The following PTPRO variants were observed in gnomAD, a reference collection of about 807,000 sequenced individuals.
The protein encoded by PTPRO is protein tyrosine phosphatase receptor type O, also known as receptor-type tyrosine-protein phosphatase O.
PTPRO carries 62 observed loss-of-function variants against 145.2 expected under a neutral mutation model. The observed-to-expected ratio is 0.43, with a 90% CI of 0.35 to 0.53. The LOEUF (loss-of-function observed/expected upper bound fraction) is 0.53, where lower values mean the gene tolerates loss of function less well. PTPRO is among the 20% of genes least tolerant of loss of function. The pLI is 0.01. For missense variants in PTPRO, 1,345 were observed against 1,482.7 expected (o/e 0.91, Z 1.53); for synonymous variants, 565 against 514.7 (o/e 1.10, Z -1.32).
chr12:15,511,461 AT>A (rs921834787), intron 7 of PTPRO, among the ~76,000 whole-genome samples: 23 of 152,322 alleles, frequency 1.5e-4, no homozygotes, highest in South Asian at 4.1e-4. Context: ...CCCCTTTGTC[AT>A]TTTTTAAGTA....
chr12:15,533,664 G>T (rs912654837), intron 12 of PTPRO, among the ~76,000 whole-genome samples: 4 of 152,064 alleles, frequency 2.6e-5, no homozygotes, highest in Admixed American at 6.6e-5. Context: ...GTTTGTGTGT[G>T]TTTTTTACAG....
chr12:15,555,162 T>TG lies in PTPRO; in HGVS notation c.2559-2287dup, dbSNP rs556644036. On this transcript the variant is annotated intron_variant, in intron 15 of 26. Transcript: ENST00000281171. ...CTGAGGCAGAAGAATCGCTTGGACT[T>TG]GGGGGGCGGAGGTTGCAGTGAGCTG... Among the ~76,000 whole-genome samples, 19 of 151,998 alleles carry TG rather than the reference T, an allele frequency of 1.3e-4. 2 individuals are homozygous for TG. In the South Asian group the frequency reaches 3.5e-3, roughly 28 times the overall value.
chr12:15,530,634 C>T (rs939706385), intron 12 of PTPRO, among the ~76,000 whole-genome samples: 1 of 151,806 alleles, frequency 6.6e-6, no homozygotes, highest in African/African-American at 2.4e-5. Context: ...ACCAATGAGT[C>T]AATGAAGAAA....
intron 1 of PTPRO, among the ~76,000 whole-genome samples, chr12:15,361,263 C>T (rs544070273): frequency 6.6e-6 from 1 of 151,118 alleles, no homozygotes; most frequent in Non-Finnish European, 1.5e-5. Flanking sequence ...TGGTGAAAAC[C>T]CATCTTTACT....
At chr12:15,574,517 A>C (rs1379480912) in intron 19 of PTPRO, among the ~76,000 whole-genome samples, 1 of 152,212 alleles carries the variant, frequency 6.6e-6, no homozygotes, top group Admixed American at 6.5e-5. Context: ...AAACTACAGA[A>C]CTGGCCATGC....
intron 6 of PTPRO, among the ~76,000 whole-genome samples, chr12:15,505,782 C>A (rs1163371127): frequency 2.0e-5 from 3 of 152,162 alleles, no homozygotes; most frequent in African/African-American, 7.2e-5. Context: ...CCTGTTTTTC[C>A]TGACCAAACT....
intron 1 of PTPRO, among the ~76,000 whole-genome samples, chr12:15,470,548 T>TCAAGTG (rs1472399041): frequency 6.6e-6 from 1 of 152,214 alleles, no homozygotes; most frequent in African/African-American, 2.4e-5. Flanking sequence ...AATTCTTTCC[T>TCAAGTG]CAAGTGTGTT....
chr12:15,425,370 C>G (rs879747571), intron 1 of PTPRO, among the ~76,000 whole-genome samples: 3 of 152,108 alleles, frequency 2.0e-5, no homozygotes, highest in African/African-American at 4.8e-5. Context: ...TGAGCTACAT[C>G]TTGAAGGTCA....
intron 1 of PTPRO, among the ~76,000 whole-genome samples, chr12:15,426,410 C>T (rs1329998225): frequency 6.6e-6 from 1 of 151,942 alleles, no homozygotes; most frequent in African/African-American, 2.4e-5. Context: ...TATATTGTCT[C>T]ATTGTGGATA....
At chr12:15,440,203 G>C (rs868333563) in intron 1 of PTPRO, 1 of 666,836 alleles carries the variant, frequency 1.5e-6, no homozygotes, top group Non-Finnish European at 2.6e-6. Flanking sequence ...CCTTAGCCAG[G>C]GGCTGCACTG....
chr12:15,478,950 C>A (rs1263621689), intron 1 of PTPRO, among the ~76,000 whole-genome samples: 1 of 152,140 alleles, frequency 6.6e-6, no homozygotes, highest in Non-Finnish European at 1.5e-5. Flanking sequence ...GGATTACAGG[C>A]GTGAGCCACC....
intron 1 of PTPRO, among the ~76,000 whole-genome samples, chr12:15,332,073 C>G (rs911152252): frequency 2.7e-5 from 4 of 148,060 alleles, no homozygotes; most frequent in African/African-American, 9.9e-5. Context: ...TCAAGCAATT[C>G]TCCTGCCTCA....
intron 1 of PTPRO, among the ~76,000 whole-genome samples, chr12:15,357,572 A>G (rs1017329561): frequency 1.3e-5 from 2 of 151,966 alleles, no homozygotes; most frequent in African/African-American, 4.8e-5. Context: ...AAAAGTGGGC[A>G]AAGGACATGA....
At chr12:15,515,987 G>GTTTTTTTTTTTTTTTTTTTT (rs1387922121) in intron 8 of PTPRO, among the ~76,000 whole-genome samples, 1 of 80,660 alleles carries the variant, frequency 1.2e-5, no homozygotes, top group Non-Finnish European at 2.4e-5. Context: ...TTTTTTTTTT[G>GTTTTTTTTTTTTTTTTTTTT]TTTTGTTTTT....
At chr12:15,446,708 A>T (rs1940911255) in intron 1 of PTPRO, among the ~76,000 whole-genome samples, 1 of 151,526 alleles carries the variant, frequency 6.6e-6, no homozygotes, top group Non-Finnish European at 1.5e-5. Context: ...TGAAAGTTAT[A>T]ATAGAAGTCC....
intron 1 of PTPRO, among the ~76,000 whole-genome samples, chr12:15,360,973 C>CGT (rs1938186700): frequency 2.6e-5 from 3 of 116,498 alleles, no homozygotes; most frequent in Admixed American, 8.6e-5. Context: ...TATATACACA[C>CGT]GTATATATAC....
intron 7 of PTPRO, among the ~76,000 whole-genome samples, chr12:15,511,866 A>G (rs1942448388): frequency 6.6e-6 from 1 of 151,770 alleles, no homozygotes; most frequent in Non-Finnish European, 1.5e-5. Flanking sequence ...GCCCGGCTAT[A>G]ATGGCGTATT....
At chr12:15,588,354 T>C (rs1565448608) in intron 24 of PTPRO, among the ~76,000 whole-genome samples, 1 of 152,196 alleles carries the variant, frequency 6.6e-6, no homozygotes, top group Non-Finnish European at 1.5e-5. Context: ...ACTTTCTCTT[T>C]TCCCATCATT....
At chr12:15,435,254 T>C (rs1456631093) in intron 1 of PTPRO, among the ~76,000 whole-genome samples, 2 of 152,218 alleles carry the variant, frequency 1.3e-5, no homozygotes, top group African/African-American at 2.4e-5. Context: ...AAATTATTAA[T>C]TTAATGATGA....
Sources: gnomAD v4.1 joint callset for allele counts (sites outside exome capture counted in the v4.1 genomes callset) on GRCh38, gnomAD v4.1.1 for gene constraint, MANE v1.5 for transcripts, NCBI Gene and HGNC (gene_info 2026-07-23, HGNC 2026-07-21) for gene names.